Variants in MREG observed in about 807,000 individuals in gnomAD.
The protein encoded by MREG is melanoregulin.
A neutral mutation model predicts 28.5 loss-of-function variants in MREG; 31 were observed. That is an observed-to-expected ratio of 1.09 (90% CI 0.82 to 1.47). MREG has a LOEUF of 1.47. MREG is among the 40% of genes most tolerant of loss of function. The probability of loss-of-function intolerance (pLI) is 0.00; values close to 1 mark genes in which losing one functional copy is unlikely to be tolerated. For synonymous variants in MREG, 106 were observed against 95.2 expected, an observed-to-expected ratio of 1.11 and a Z score of -0.66; for missense variants, 256 against 257.4, an observed-to-expected ratio of 0.99 and a Z score of 0.04.
downstream of MREG, among the ~76,000 whole-genome samples, chr2:215,941,963 C>T (rs1369899453): frequency 6.6e-6 from 1 of 152,184 alleles, no homozygotes; most frequent in Non-Finnish European, 1.5e-5. Flanking sequence ...ATCTGGCCTT[C>T]AGAACTGCCA....
intron 2 of MREG, among the ~76,000 whole-genome samples, chr2:215,983,667 T>C (rs1055238508): frequency 6.6e-6 from 1 of 152,202 alleles, no homozygotes; most frequent in Non-Finnish European, 1.5e-5. Context: ...TAATTGTATG[T>C]ATTTATGAAG....
chr2:216,012,308 G>T (rs1361589064), intron 1 of MREG, among the ~76,000 whole-genome samples: 2 of 152,188 alleles, frequency 1.3e-5, no homozygotes, highest in Non-Finnish European at 2.9e-5. Context: ...GCAGGAAGGG[G>T]TTATGTAAGA....
chr2:215,999,040 C>A (rs1385089139), intron 1 of MREG, among the ~76,000 whole-genome samples: 1 of 152,128 alleles, frequency 6.6e-6, no homozygotes, highest in Non-Finnish European at 1.5e-5. Flanking sequence ...GGAAGAGAAA[C>A]AAGGGCAGAG....
At chr2:216,030,694 C>T (rs993308086) in intron 1 of MREG, among the ~76,000 whole-genome samples, 3 of 151,506 alleles carry the variant, frequency 2.0e-5, no homozygotes, top group African/African-American at 7.3e-5. Context: ...TAGCATGCAC[C>T]ACCACAACTG....
intron 2 of MREG, among the ~76,000 whole-genome samples, chr2:215,994,622 G>A (rs1693813831): frequency 2.3e-5 from 1 of 44,012 alleles, no homozygotes; most frequent in African/African-American, 3.8e-5. Flanking sequence ...AAGAAGAAGA[G>A]AAGAAGGAGG....
chr2:215,941,311 A>G (rs140098898), downstream of MREG, among the ~76,000 whole-genome samples: 738 of 152,328 alleles, frequency 4.8e-3, 10 homozygotes, highest in African/African-American at 0.017. Context: ...TGAAAGTAGT[A>G]GTCGACAGGC....
chr2:215,966,492 C>T (rs1692942984), intron 2 of MREG, among the ~76,000 whole-genome samples: 1 of 152,096 alleles, frequency 6.6e-6, no homozygotes, highest in South Asian at 2.1e-4. Context: ...AACCTGGTCA[C>T]ACTGACACTT....
chr2:216,016,447 T>A (rs1466889072), upstream of MREG, among the ~76,000 whole-genome samples: 3 of 152,210 alleles, frequency 2.0e-5, no homozygotes, highest in African/African-American at 7.2e-5. Context: ...CTATTTGAGT[T>A]GGATTTGCTG....
intron 1 of MREG, among the ~76,000 whole-genome samples, chr2:215,999,466 G>T (rs1442735649): frequency 1.3e-5 from 2 of 152,168 alleles, no homozygotes; most frequent in African/African-American, 2.4e-5. Context: ...GATGGGCAGG[G>T]CTTCTCTGGA....
chr2:215,984,992 T>C (rs1158388755), intron 2 of MREG, among the ~76,000 whole-genome samples: 1 of 152,184 alleles, frequency 6.6e-6, no homozygotes, highest in Admixed American at 6.5e-5. Context: ...ACTCATTATA[T>C]ATCTCTGGAG....
At chr2:216,018,681 A>G (rs1240576101) in intron 1 of MREG, among the ~76,000 whole-genome samples, 1 of 152,246 alleles carries the variant, frequency 6.6e-6, no homozygotes, top group East Asian at 1.9e-4. Flanking sequence ...ACCTCTCCAG[A>G]GAAGTCACAT....
In MREG at chr2:215,945,636, GT is replaced by G; in HGVS notation, c.444del (p.Lys148AsnfsTer103). 1 of 1,613,990 alleles carries G rather than the reference GT, an allele frequency of 6.2e-7. No individual in the cohort carries two copies. The highest frequency in any genetic ancestry group is 1.6e-4 in the Middle Eastern group (1 of 6,062). On this transcript the variant is annotated frameshift_variant, in exon 4 of 5. Coordinates refer to ENST00000263268, the MANE Select transcript of MREG (RefSeq NM_018000.3). LOFTEE classifies it high-confidence loss of function. ...GGGAAAATATTGGTTTCTTCAGCCA[GT>G]TTTAACAACATCTCTCGAGCTTTCC... ...NTRKAREMLL[K>X]LAEETNIFPT...
intron 2 of MREG, among the ~76,000 whole-genome samples, chr2:215,987,985 G>A (rs1693621109): frequency 6.6e-6 from 1 of 152,172 alleles, no homozygotes; most frequent in African/African-American, 2.4e-5. Flanking sequence ...ATCATTTCAT[G>A]CATAATTATC....
intron 2 of MREG, among the ~76,000 whole-genome samples, chr2:215,995,509 A>ACCCCCCCCCC (rs1212242370): frequency 1.1e-5 from 1 of 95,140 alleles, no homozygotes; most frequent in Non-Finnish European, 2.2e-5. Context: ...CACCCACCCC[A>ACCCCCCCCCC]CCCCCCGCCA....
At chr2:215,998,419 G>C (rs919854924) in intron 1 of MREG, among the ~76,000 whole-genome samples, 1 of 152,056 alleles carries the variant, frequency 6.6e-6, no homozygotes, top group African/African-American at 2.4e-5. Flanking sequence ...ACCAAGGCTA[G>C]CAGGAGACCA....
At chr2:215,946,877 G>A in intron 3 of MREG, 146 bp downstream of exon 3, 1 of 606,018 alleles carries the variant, frequency 1.7e-6, no homozygotes, top group Non-Finnish European at 2.9e-6. Context: ...GAGGATATAA[G>A]AGCAAGATTG....
At chr2:216,020,654 A>G (rs892865468) in intron 1 of MREG, among the ~76,000 whole-genome samples, 1 of 152,268 alleles carries the variant, frequency 6.6e-6, no homozygotes, top group African/African-American at 2.4e-5. Context: ...CTGGAAACAC[A>G]AAAAGGGGAA....
intron 2 of MREG, among the ~76,000 whole-genome samples, chr2:215,978,092 G>A (rs1035679873): frequency 1.3e-5 from 2 of 152,044 alleles, no homozygotes; most frequent in African/African-American, 4.8e-5. Flanking sequence ...ATGAATCCAG[G>A]AACTGGTTTT....
rs869259776 is a variant in MREG at position 215,943,970 on chromosome 2, C to CTTTTTTTTTTTT, written c.*881_*892dup. The CTTTTTTTTTTTT allele has an allele frequency of 3.1e-5, 2 of 65,226 alleles. 1 individual carries two copies. The highest frequency in any genetic ancestry group is 1.3e-4 in the African/African-American group (2 of 15,220). The allele number at this position is 65,226 out of a possible 1,614,324, so 4.0% of individuals were successfully genotyped here. A position where few individuals can be genotyped will look rare whatever the true frequency, so the allele number is the denominator to read the frequency against. The stretch of plus-strand genomic sequence containing the variant: ...AAGTACAACACATGAATACATAACT[C>CTTTTTTTTTTTT]TTTTTTTTTTTTTTTTTTTTTTTTT... On this transcript the variant is annotated 3_prime_UTR_variant, in exon 5 of 5. Coordinates refer to ENST00000263268, the MANE Select transcript of MREG (RefSeq NM_018000.3).
Sources: allele counts gnomAD v4.1 joint callset (sites outside exome capture counted in the v4.1 genomes callset), GRCh38; gene constraint gnomAD v4.1.1; transcripts MANE v1.5; gene names NCBI Gene and HGNC (gene_info 2026-07-23, HGNC 2026-07-21).